Variants in NAALADL2 observed in about 807,000 individuals in gnomAD.
The protein encoded by NAALADL2 is inactive N-acetylated-alpha-linked acidic dipeptidase-like protein 2.
In NAALADL2, 76 loss-of-function variants were observed where a neutral mutation model predicts 87.2. The observed-to-expected ratio is 0.87, with a 90% confidence interval of 0.72 to 1.05. The LOEUF is 1.05. NAALADL2 is among the 50% of genes least tolerant of loss of function. NAALADL2 has a pLI of 0.00. For synonymous variants in NAALADL2, 354 were observed against 331.0 expected (o/e 1.07, Z -0.75); for missense variants, 1,089 against 945.8 (o/e 1.15, Z -1.99).
At chr3:175,532,521 T>C (rs1001976310) in intron 9 of NAALADL2, among the ~76,000 whole-genome samples, 3 of 152,240 alleles carry the variant, frequency 2.0e-5, no homozygotes, top group African/African-American at 7.2e-5. Context: ...ATTAGTCTTT[T>C]GTCCATTCGA....
At chr3:175,411,408 T>C (rs1713484833) in intron 5 of NAALADL2, among the ~76,000 whole-genome samples, 1 of 151,926 alleles carries the variant, frequency 6.6e-6, no homozygotes, top group South Asian at 2.1e-4. Flanking sequence ...CAGAGAAGAG[T>C]GCGGACTGGG....
chr3:174,517,329 A>G (rs1719995364), intron 1 of NAALADL2, among the ~76,000 whole-genome samples: 1 of 152,044 alleles, frequency 6.6e-6, no homozygotes, highest in African/African-American at 2.4e-5. Flanking sequence ...CTTTAATTGG[A>G]GTGCTTTCAG....
chr3:174,541,399 C>G (rs921204697), intron 1 of NAALADL2, among the ~76,000 whole-genome samples: 6 of 152,014 alleles, frequency 3.9e-5, no homozygotes, highest in African/African-American at 1.2e-4. Context: ...GACAACATAG[C>G]TTGATATATG....
intron 1 of NAALADL2, among the ~76,000 whole-genome samples, chr3:174,449,058 G>T (rs1382222053): frequency 6.6e-6 from 1 of 152,164 alleles, no homozygotes; most frequent in African/African-American, 2.4e-5. Context: ...AACAGATAGT[G>T]TCATCTGTGA....
chr3:174,784,506 A>G (rs1302569598), intron 3 of NAALADL2, among the ~76,000 whole-genome samples: 1 of 152,220 alleles, frequency 6.6e-6, no homozygotes, highest in Non-Finnish European at 1.5e-5. Flanking sequence ...ACAGTGCTGG[A>G]TGAAATCAAA....
At chr3:174,906,190 G>T (rs1579459355) in intron 1 of NAALADL2, among the ~76,000 whole-genome samples, 1 of 152,000 alleles carries the variant, frequency 6.6e-6, no homozygotes. Flanking sequence ...AACTATAAAA[G>T]AAACAAGAAG....
chr3:174,835,318 T>C (rs1423751276), intron 3 of NAALADL2, among the ~76,000 whole-genome samples: 1 of 152,066 alleles, frequency 6.6e-6, no homozygotes, highest in African/African-American at 2.4e-5. Flanking sequence ...GCAAAAGAAG[T>C]TGGACCCTTA....
At chr3:175,108,502 G>A (rs1723621699) in intron 2 of NAALADL2, among the ~76,000 whole-genome samples, 1 of 151,968 alleles carries the variant, frequency 6.6e-6, no homozygotes, top group African/African-American at 2.4e-5. Context: ...ACAGAAATGT[G>A]TGCAGGTGAT....
chr3:175,607,913 G>GCACACGCA (rs1724002429), intron 10 of NAALADL2, among the ~76,000 whole-genome samples: 3 of 149,094 alleles, frequency 2.0e-5, no homozygotes. Flanking sequence ...ACACACACAC[G>GCACACGCA]CACACACACG....
At chr3:175,349,325 G>A (rs1263342831) in intron 5 of NAALADL2, among the ~76,000 whole-genome samples, 2 of 152,050 alleles carry the variant, frequency 1.3e-5, no homozygotes, top group Non-Finnish European at 2.9e-5. Context: ...GAAAGAGTGA[G>A]ACCTACTAAA....
intron 1 of NAALADL2, among the ~76,000 whole-genome samples, chr3:174,884,329 C>G (rs1194357182): frequency 6.6e-6 from 1 of 152,094 alleles, no homozygotes; most frequent in African/African-American, 2.4e-5. Flanking sequence ...ACTTTGTGTC[C>G]CAGCCCTGAA....
chr3:174,689,231 T>C (rs933016123), intron 2 of NAALADL2, among the ~76,000 whole-genome samples: 2 of 152,162 alleles, frequency 1.3e-5, no homozygotes, highest in Non-Finnish European at 2.9e-5. Flanking sequence ...TCTAGATATT[T>C]TTCTATGCTC....
chr3:175,381,055 T>C (rs1266650539), intron 5 of NAALADL2, among the ~76,000 whole-genome samples: 7 of 151,980 alleles, frequency 4.6e-5, no homozygotes, highest in Admixed American at 3.9e-4. Context: ...AAGAAAGGTT[T>C]TATAATGAAC....
chr3:175,698,503 A>ATATATATATATATATATATATATAT (rs1491393693), intron 11 of NAALADL2, among the ~76,000 whole-genome samples: 8 of 141,314 alleles, frequency 5.7e-5, no homozygotes, highest in Non-Finnish European at 7.6e-5. Flanking sequence ...ATATATATAT[A>ATATATATATATATATATATATATAT]AAATCTCCAA....
chr3:175,549,999 T>A (rs190984282), intron 9 of NAALADL2, among the ~76,000 whole-genome samples: 4 of 152,216 alleles, frequency 2.6e-5, no homozygotes, highest in Admixed American at 2.0e-4. Flanking sequence ...ATATATCATT[T>A]TAACAAAGAG....
chr3:175,509,718 C>G (rs192743423), intron 9 of NAALADL2, among the ~76,000 whole-genome samples: 5 of 152,084 alleles, frequency 3.3e-5, no homozygotes, highest in African/African-American at 9.7e-5. Flanking sequence ...TAAGGACATG[C>G]GAGAGACTGG....
intron 4 of NAALADL2, among the ~76,000 whole-genome samples, chr3:175,270,166 G>A (rs1752603936): frequency 6.6e-6 from 1 of 152,122 alleles, no homozygotes; most frequent in African/African-American, 2.4e-5. Context: ...TGATTGAGTG[G>A]TTACAATACA....
intron 1 of NAALADL2, among the ~76,000 whole-genome samples, chr3:174,526,568 A>T (rs1473778651): frequency 6.6e-6 from 1 of 152,258 alleles, no homozygotes; most frequent in Non-Finnish European, 1.5e-5. Context: ...AATCACTTTC[A>T]TAATTTTTCC....
intron 1 of NAALADL2, among the ~76,000 whole-genome samples, chr3:175,029,668 A>T (rs962969462): frequency 6.6e-6 from 1 of 152,088 alleles, no homozygotes; most frequent in Admixed American, 6.6e-5. Context: ...GAAAAATGAA[A>T]TAAGTCTAAA....
Sources: allele counts gnomAD v4.1 joint callset (sites outside exome capture counted in the v4.1 genomes callset), GRCh38; gene constraint gnomAD v4.1.1; transcripts MANE v1.5; gene names NCBI Gene and HGNC (gene_info 2026-07-23, HGNC 2026-07-21).